Variants in COL5A1 observed in about 807,000 individuals in gnomAD.
The protein encoded by COL5A1 is collagen type V alpha 1 chain, also known as collagen alpha-1(V) chain.
In COL5A1, 16 loss-of-function variants were observed where a neutral mutation model predicts 263.7. That is an observed-to-expected ratio of 0.06 (90% confidence interval 0.04 to 0.09). The LOEUF is 0.09. Ranked by LOEUF, COL5A1 falls within the 10% of genes least tolerant of loss-of-function variation. The pLI, the probability that COL5A1 is intolerant of heterozygous loss-of-function variation, is 1.00. For synonymous variants in COL5A1, 1,012 were observed against 1,004.5 expected (o/e 1.01, Z -0.14); for missense variants, 2,036 against 2,540.5 (o/e 0.80, Z 4.27).
chr9:134,822,222 T>C, intron 59 of COL5A1, 72 bp downstream of exon 59: 3 of 1,284,572 alleles, frequency 2.3e-6, no homozygotes, highest in Middle Eastern at 1.9e-4. Context: ...GGGGCCTCAG[T>C]GTGGAGCTAG....
intron 41 of COL5A1, among the ~76,000 whole-genome samples, chr9:134,805,786 T>C (rs1838274599): frequency 6.6e-6 from 1 of 151,740 alleles, no homozygotes. Flanking sequence ...GGGGTTGCCC[T>C]GCAGGCATGT....
intron 4 of COL5A1, among the ~76,000 whole-genome samples, chr9:134,726,903 A>ATGGATGGG (rs1319334998): frequency 6.6e-6 from 1 of 150,784 alleles, no homozygotes; most frequent in Non-Finnish European, 1.5e-5. Context: ...GGATAGATGG[A>ATGGATGGG]TGGATGGGTG....
intron 32 of COL5A1, among the ~76,000 whole-genome samples, chr9:134,793,101 G>T (rs1837776786): frequency 6.6e-6 from 1 of 152,110 alleles, no homozygotes; most frequent in Non-Finnish European, 1.5e-5. Context: ...AAAGGAAGAG[G>T]AGTGGGTGTG....
At chr9:134,781,970 GC>G (rs1837271852) in intron 28 of COL5A1, among the ~76,000 whole-genome samples, 1 of 152,202 alleles carries the variant, frequency 6.6e-6, no homozygotes, top group Admixed American at 6.5e-5. Flanking sequence ...GACAGGAAAA[GC>G]CCAGCCAAGG....
At chr9:134,655,428 G>T (rs980079784) in intron 1 of COL5A1, among the ~76,000 whole-genome samples, 1 of 152,016 alleles carries the variant, frequency 6.6e-6, no homozygotes, top group East Asian at 1.9e-4. Flanking sequence ...GCTGTGCAGC[G>T]TCCTCATGAG....
intron 4 of COL5A1, among the ~76,000 whole-genome samples, chr9:134,723,588 G>A (rs537091877): frequency 1.1e-4 from 16 of 152,352 alleles, no homozygotes; most frequent in African/African-American, 3.8e-4. Flanking sequence ...CTGTTAAATG[G>A]AGGTGACAGA....
rs2132742244 is a variant in COL5A1 at position 134,772,841 on chromosome 9, G to C, written c.2331+7G>C. 1 of 1,613,634 alleles carries C rather than the reference G, an allele frequency of 6.2e-7. No homozygotes were observed. Among genetic ancestry groups the C allele is most frequent in the Non-Finnish European group, 8.5e-7 (1 of 1,179,924 alleles). Reference sequence around the variant, plus strand: ...AGGAGAGAAAGGAGGTCAGGTGGGTGCTCGCCACGCCCTCCTACCCTTCAG... The same window carrying C: ...AGGAGAGAAAGGAGGTCAGGTGGGTCCTCGCCACGCCCTCCTACCCTTCAG... On this transcript the variant is annotated splice_region_variant and intron_variant, in intron 26 of 65. Coordinates refer to ENST00000371817, the MANE Select transcript of COL5A1 (RefSeq NM_000093.5).
intron 11 of COL5A1, among the ~76,000 whole-genome samples, chr9:134,748,837 C>T (rs1835673114): frequency 6.6e-6 from 1 of 152,188 alleles, no homozygotes; most frequent in East Asian, 1.9e-4. Context: ...GTTAAATAAA[C>T]AAGGAGTCCA....
At position 134,728,654 on chromosome 9, in the gene COL5A1, C is replaced by T. The variant is rs370602764; in HGVS notation, c.787-16C>T. 1.8e-5 allele frequency: 29 copies of T among 1,613,712 alleles called. No homozygotes were observed. Among genetic ancestry groups the T allele is most frequent in the Admixed American group, 1.3e-4 (8 of 60,002 alleles). ...GGGCTCCGCTGCTTCCTCACGGGGC[C>T]GCAATTCGCTTTCAGTACACGGAAG... On this transcript the variant is annotated splice_polypyrimidine_tract_variant and intron_variant, in intron 5 of 65. Transcript: ENST00000371817.
intron 31 of COL5A1, among the ~76,000 whole-genome samples, chr9:134,786,474 TC>T (rs1188465485): frequency 2.0e-5 from 3 of 152,126 alleles, no homozygotes; most frequent in East Asian, 1.9e-4. Context: ...CCTCCTGGAG[TC>T]CCCTGCAGTC....
chr9:134,774,178 T>C (rs1433646241), intron 26 of COL5A1, among the ~76,000 whole-genome samples: 1 of 152,208 alleles, frequency 6.6e-6, no homozygotes, highest in African/African-American at 2.4e-5. Flanking sequence ...GGCATCCTGT[T>C]AGCGATGGGA....
rs1439013534 is a variant in COL5A1, at chr9:134,681,282, G to T, written c.110-9630G>T. Among the ~76,000 whole-genome samples, 1 of 152,220 alleles carries T rather than the reference G, an allele frequency of 6.6e-6. No homozygotes were observed. The highest frequency in any genetic ancestry group is 1.5e-5 in the Non-Finnish European group (1 of 68,030). ...TCTGGCTTCCAGGAAATACAGGAAG[G>T]GAACTAGGAGGGACAGCCGCCCTTC... On this transcript the variant is annotated intron_variant, in intron 1 of 65. Transcript: ENST00000371817. The surrounding 1 kb of genome is among the most constrained non-coding windows in gnomAD (Gnocchi z 4.3).
At chr9:134,654,545 G>T (rs1372860169) in intron 1 of COL5A1, among the ~76,000 whole-genome samples, 1 of 118,816 alleles carries the variant, frequency 8.4e-6, no homozygotes, top group Non-Finnish European at 1.7e-5. Flanking sequence ...GTGTAGGGCT[G>T]GGTGTGTGTA....
Position 134,765,807 on chromosome 9 carries a change from G to T in COL5A1, c.2088+73G>T. ...AGACCCCGCCTCCCAGCCGGTGGAC[G>T]CTTGGGCACTGGGGCAGCAAGTCCG... On this transcript the variant is annotated intron_variant, in intron 21 of 65. Coordinates refer to ENST00000371817, the MANE Select transcript of COL5A1 (RefSeq NM_000093.5). The surrounding 1 kb of genome is among the most constrained non-coding windows in gnomAD (Gnocchi z 5.1). 7.5e-7 allele frequency: 1 copy of T among 1,326,872 alleles called. No homozygotes were observed. 82.2% of individuals were successfully genotyped at this position (1,326,872 alleles called of 1,614,324 possible). A position where few individuals can be genotyped will look rare whatever the true frequency, so the allele number is the denominator to read the frequency against.
intron 1 of COL5A1, among the ~76,000 whole-genome samples, chr9:134,656,632 G>A (rs1432153203): frequency 2.0e-5 from 3 of 152,126 alleles, no homozygotes; most frequent in Admixed American, 1.3e-4. Flanking sequence ...AGGTGCACTC[G>A]TGGTATTGAT....
chr9:134,693,646 A>G (rs771927516), intron 2 of COL5A1, among the ~76,000 whole-genome samples: 2 of 152,026 alleles, frequency 1.3e-5, no homozygotes, highest in African/African-American at 4.8e-5. Flanking sequence ...GTGTCATAGG[A>G]CATCATTTGC....
rs1453615311 is a variant in COL5A1, at chr9:134,679,604, G to T, written c.110-11308G>T. Among the ~76,000 whole-genome samples the T allele has an allele frequency of 2.4e-3, 198 of 82,966 alleles. 3 individuals carry two copies. Among genetic ancestry groups the T allele is most frequent in the African/African-American group, 3.8e-3 (76 of 19,884 alleles). 54.4% of individuals were successfully genotyped at this position (82,966 alleles called of 152,430 possible). A position where few individuals can be genotyped will look rare whatever the true frequency, so the allele number is the denominator to read the frequency against. Reference sequence around the variant, plus strand: ...GGCACTGTGGGGCTGGTTGGGCACTGCGGGGCTGGTTGGGGGCACTGCGGG... The same window carrying T: ...GGCACTGTGGGGCTGGTTGGGCACTTCGGGGCTGGTTGGGGGCACTGCGGG... On this transcript the variant is annotated intron_variant, in intron 1 of 65. Coordinates refer to ENST00000371817, the MANE Select transcript of COL5A1 (RefSeq NM_000093.5).
chr9:134,809,423 C>T lies in COL5A1; in HGVS notation c.3474+133C>T, dbSNP rs3124935. On this transcript the variant is annotated intron_variant, in intron 43 of 65. Transcript: ENST00000371817. ...CAGCGGAGTGATGCCACACCCACCC[C>T]GCAGTCCTGGCATTAGGGGATGATT... The T allele has an allele frequency of 1.6e-3, 1,215 of 738,446 alleles. 3 individuals carry two copies. The highest frequency in any genetic ancestry group is 2.6e-3 in the Admixed American group (129 of 49,784). 45.7% of individuals were successfully genotyped at this position (738,446 alleles called of 1,614,324 possible). A position where few individuals can be genotyped will look rare whatever the true frequency, so the allele number is the denominator to read the frequency against.
At position 134,757,154 on chromosome 9, in the gene COL5A1, G is replaced by A. The variant is rs1366686556; in HGVS notation, c.1881+336G>A. Among the ~76,000 whole-genome samples, 1 of 152,192 alleles carries A rather than the reference G, an allele frequency of 6.6e-6. No homozygotes were observed. The highest frequency in any genetic ancestry group is 1.5e-5 in the Non-Finnish European group (1 of 68,030). On this transcript the variant is annotated intron_variant, in intron 17 of 65. Transcript: ENST00000371817. The surrounding 1 kb of genome is among the most constrained non-coding windows in gnomAD (Gnocchi z 6.2). ...GGCATATGGCAAGTGCGGGGGCCAG[G>A]GGGTCTTGTCCAGTCGGGACTCCTG...
Sources: allele counts gnomAD v4.1 joint callset (sites outside exome capture counted in the v4.1 genomes callset), GRCh38; gene constraint gnomAD v4.1.1; non-coding constraint Gnocchi (gnomAD v3.1); transcripts MANE v1.5; gene names NCBI Gene and HGNC (gene_info 2026-07-23, HGNC 2026-07-21).